Variants in ADCY2 observed in about 807,000 individuals in gnomAD.
The protein encoded by ADCY2 is adenylate cyclase type 2.
ADCY2 carries 31 observed loss-of-function variants against 125.2 expected under a neutral mutation model. That is an observed-to-expected ratio of 0.25 (90% CI 0.19 to 0.33). ADCY2 has a LOEUF of 0.33. ADCY2 is among the 10% of genes least tolerant of loss of function. The pLI, the probability that ADCY2 is intolerant of heterozygous loss-of-function variation, is 1.00. For missense variants in ADCY2, 904 were observed against 1,418.2 expected (o/e 0.64, Z 5.82); for synonymous variants, 512 against 548.4 (o/e 0.93, Z 0.93).
At chr5:7,575,068 G>A (rs949669430) in intron 3 of ADCY2, among the ~76,000 whole-genome samples, 1 of 152,264 alleles carries the variant, frequency 6.6e-6, no homozygotes, top group East Asian at 1.9e-4. Context: ...ACTCATGCCT[G>A]TAATCCCAGA....
chr5:7,632,294 C>A (rs1738340820), intron 4 of ADCY2, among the ~76,000 whole-genome samples: 1 of 143,896 alleles, frequency 6.9e-6, no homozygotes, highest in South Asian at 2.2e-4. Flanking sequence ...CTTCCACGCC[C>A]CCTGCTTATG....
chr5:7,584,688 G>A (rs556689859), intron 3 of ADCY2, among the ~76,000 whole-genome samples: 2 of 152,200 alleles, frequency 1.3e-5, no homozygotes, highest in South Asian at 4.2e-4. Context: ...CCAAAGAGCT[G>A]AGATCTTGTA....
chr5:7,738,644 TTTAAATACAAGTTAG>T, intron 14 of ADCY2, among the ~76,000 whole-genome samples: 1 of 152,140 alleles, frequency 6.6e-6, no homozygotes, highest in South Asian at 2.1e-4. Context: ...AGAGATGCAC[TTTAAATACAAGTTAG>T]GTAGCTTGAA....
In ADCY2 at chr5:7,570,335, T is replaced by C. The variant is rs1736028946; in HGVS notation, c.570+49436T>C. On this transcript the variant is annotated intron_variant, in intron 3 of 24. Coordinates refer to ENST00000338316, the MANE Select transcript of ADCY2 (RefSeq NM_020546.3). ...AAACTTAAATGGACCAACTAAAATA[T>C]TTTAACATCCTATAATTTTGTTGTA... Among the ~76,000 whole-genome samples, 3 of 152,160 alleles carry C rather than the reference T, an allele frequency of 2.0e-5. No homozygotes were observed. In the South Asian group the frequency reaches 6.2e-4, roughly 32 times the overall value.
At chr5:7,763,935 G>C (rs1339210408) in intron 16 of ADCY2, among the ~76,000 whole-genome samples, 1 of 152,170 alleles carries the variant, frequency 6.6e-6, no homozygotes, top group African/African-American at 2.4e-5. Context: ...TGGGTGGATG[G>C]GCTGGTTCAT....
intron 7 of ADCY2, among the ~76,000 whole-genome samples, chr5:7,703,807 A>T (rs1349787963): frequency 6.6e-6 from 1 of 151,996 alleles, no homozygotes; most frequent in Non-Finnish European, 1.5e-5. Flanking sequence ...TCTAAAAATT[A>T]CCTTGGACAG....
chr5:7,787,641 A>G (rs1424753788), intron 19 of ADCY2, among the ~76,000 whole-genome samples: 1 of 151,672 alleles, frequency 6.6e-6, no homozygotes, highest in East Asian at 1.9e-4. Context: ...AAGGTGATAG[A>G]TGATTGATAG....
At chr5:7,541,632 C>A (rs1391824161) in intron 3 of ADCY2, among the ~76,000 whole-genome samples, 1 of 152,196 alleles carries the variant, frequency 6.6e-6, no homozygotes, top group Non-Finnish European at 1.5e-5. Context: ...GTACACCTTT[C>A]AGGCGTCACC....
intron 3 of ADCY2, among the ~76,000 whole-genome samples, chr5:7,588,132 G>A (rs6555478): frequency 6.6e-6 from 1 of 152,156 alleles, no homozygotes; most frequent in Non-Finnish European, 1.5e-5. Context: ...GCTGATAAGC[G>A]TTCCTTATTT....
intron 2 of ADCY2, among the ~76,000 whole-genome samples, chr5:7,443,099 ATCT>A (rs1741074923): frequency 1.3e-5 from 2 of 152,102 alleles, no homozygotes. Context: ...CACACCCTCC[ATCT>A]TTCCTTTTCC....
chr5:7,649,067 G>C (rs1738996820), intron 4 of ADCY2, among the ~76,000 whole-genome samples: 1 of 152,112 alleles, frequency 6.6e-6, no homozygotes, highest in Non-Finnish European at 1.5e-5. Flanking sequence ...GAATTTCTTT[G>C]TTCTTTTTTC....
chr5:7,688,532 G>A (rs1353846704), intron 4 of ADCY2, among the ~76,000 whole-genome samples: 2 of 152,046 alleles, frequency 1.3e-5, no homozygotes, highest in Admixed American at 6.6e-5. Flanking sequence ...GCCTCCCAAA[G>A]TGCTGGGACT....
At chr5:7,750,148 A>AT (rs1579388915) in intron 15 of ADCY2, among the ~76,000 whole-genome samples, 1 of 152,104 alleles carries the variant, frequency 6.6e-6, no homozygotes, top group East Asian at 1.9e-4. Flanking sequence ...AATCTTTTAA[A>AT]ACCCAATTTG....
At chr5:7,414,323 A>C (rs963916220) in intron 1 of ADCY2, among the ~76,000 whole-genome samples, 4 of 152,240 alleles carry the variant, frequency 2.6e-5, no homozygotes, top group African/African-American at 9.6e-5. Context: ...ATCAGGGAAG[A>C]TGTAACTTTG....
intron 2 of ADCY2, among the ~76,000 whole-genome samples, chr5:7,512,341 G>A (rs1561067002): frequency 1.3e-5 from 2 of 151,836 alleles, no homozygotes; most frequent in South Asian, 4.2e-4. Context: ...CATTCTAGGG[G>A]ACACTGGTGT....
At chr5:7,811,094 C>T (rs141790308) in intron 22 of ADCY2, among the ~76,000 whole-genome samples, 1 of 152,242 alleles carries the variant, frequency 6.6e-6, no homozygotes, top group Non-Finnish European at 1.5e-5. Flanking sequence ...CCCCCAACAA[C>T]CTGGAAGGAA....
intron 19 of ADCY2, among the ~76,000 whole-genome samples, chr5:7,786,484 C>T (rs1438157713): frequency 6.6e-6 from 1 of 152,186 alleles, no homozygotes. Context: ...TGCTCCATGA[C>T]CATCTTTTTT....
intron 3 of ADCY2, among the ~76,000 whole-genome samples, chr5:7,573,688 C>T (rs1421630349): frequency 6.7e-6 from 1 of 148,972 alleles, no homozygotes; most frequent in African/African-American, 2.5e-5. Flanking sequence ...GAAGGGGTCC[C>T]GAGCGGGTAG....
intron 2 of ADCY2, among the ~76,000 whole-genome samples, chr5:7,449,151 C>T (rs906071310): frequency 6.6e-6 from 1 of 152,132 alleles, no homozygotes; most frequent in African/African-American, 2.4e-5. Flanking sequence ...TGTTTTTTGA[C>T]TTTCTGATAA....
Sources: gnomAD v4.1 joint callset for allele counts (sites outside exome capture counted in the v4.1 genomes callset) on GRCh38, gnomAD v4.1.1 for gene constraint, MANE v1.5 for transcripts, NCBI Gene and HGNC (gene_info 2026-07-23, HGNC 2026-07-21) for gene names.